XRCC2: variants seen among roughly 807,000 people sequenced by gnomAD.
XRCC2 encodes the protein DNA repair protein XRCC2.
XRCC2 carries 24 observed loss-of-function variants against 27.3 expected under a neutral mutation model. The observed-to-expected ratio is 0.88, with a 90% CI of 0.64 to 1.24. XRCC2 has a LOEUF of 1.24. Among genes scored for constraint, XRCC2 ranks in the 50% most tolerant of loss-of-function variants. The pLI, the probability that XRCC2 is intolerant of heterozygous loss-of-function variation, is 0.00. For missense variants in XRCC2, 321 were observed against 325.8 expected (o/e 0.99, Z 0.11); for synonymous variants, 106 against 115.4 (o/e 0.92, Z 0.52).
At chr7:152,667,144 C>G (rs527456266) in intron 1 of XRCC2, among the ~76,000 whole-genome samples, 29 of 151,862 alleles carry the variant, frequency 1.9e-4, no homozygotes, top group Non-Finnish European at 3.2e-4. Context: ...CGGTGGCTCA[C>G]GCCTGTAATC....
At chr7:152,675,379 T>G (rs1228818238) in intron 1 of XRCC2, among the ~76,000 whole-genome samples, 1 of 152,150 alleles carries the variant, frequency 6.6e-6, no homozygotes, top group Non-Finnish European at 1.5e-5. Context: ...CCTCCCTTAC[T>G]AGTTCTTTAA....
intron 1 of XRCC2, among the ~76,000 whole-genome samples, chr7:152,666,907 T>A (rs10241035): frequency 0.013 from 2,011 of 152,014 alleles, 43 homozygotes; most frequent in African/African-American, 0.046. Context: ...CATGAGCCAC[T>A]GCGCCCAGCA....
chr7:152,659,811 G>A (rs952962807), intron 2 of XRCC2, among the ~76,000 whole-genome samples: 11 of 152,156 alleles, frequency 7.2e-5, no homozygotes, highest in African/African-American at 1.7e-4. Context: ...CGATAGAACT[G>A]AAGACATCTA....
chr7:152,664,278 C>G (rs546737507), intron 1 of XRCC2, among the ~76,000 whole-genome samples: 1 of 152,132 alleles, frequency 6.6e-6, no homozygotes, highest in South Asian at 2.1e-4. Context: ...ACTTATTAAG[C>G]CTGAAGGTGG....
intron 2 of XRCC2, among the ~76,000 whole-genome samples, chr7:152,653,484 G>A (rs1284022175): frequency 1.3e-5 from 2 of 152,060 alleles, no homozygotes; most frequent in African/African-American, 2.4e-5. Flanking sequence ...TTTTGAGACA[G>A]GGTCTCATTC....
chr7:152,659,089 C>T (rs945187193), intron 2 of XRCC2, among the ~76,000 whole-genome samples: 4 of 151,840 alleles, frequency 2.6e-5, no homozygotes, highest in Non-Finnish European at 4.4e-5. Context: ...ATCTTACCAA[C>T]AGTGCAAAAG....
chr7:152,667,353 C>A (rs180840749), intron 1 of XRCC2, among the ~76,000 whole-genome samples: 1 of 129,776 alleles, frequency 7.7e-6, no homozygotes, highest in African/African-American at 3.1e-5. Flanking sequence ...TGCGGTGAGC[C>A]GAGATTACGC....
At position 152,664,726 on chromosome 7, in the gene XRCC2, A is replaced by T. The variant is rs958686007; in HGVS notation, c.40-3944T>A. ...GCCTCCATCATCACGCTATTAGAGT[A>T]GGTAGACAGACAGGTGTGAGTGGGG... On this transcript the variant is annotated intron_variant, in intron 1 of 2. Transcript: ENST00000359321. Among the ~76,000 whole-genome samples the T allele has an allele frequency of 3.3e-5, 5 of 152,132 alleles. No homozygotes were observed. The East Asian group carries it at 9.7e-4, about 29-fold the overall frequency.
chr7:152,664,349 A>T (rs1433702435), intron 1 of XRCC2, among the ~76,000 whole-genome samples: 1 of 152,166 alleles, frequency 6.6e-6, no homozygotes, highest in Non-Finnish European at 1.5e-5. Context: ...AATAGCTGGT[A>T]AAGCATTATT....
At chr7:152,660,975 G>A (rs2098032845) in intron 1 of XRCC2, among the ~76,000 whole-genome samples, 193 bp from the exon 2 acceptor site, 1 of 152,104 alleles carries the variant, frequency 6.6e-6, no homozygotes, top group South Asian at 2.1e-4. Context: ...AGACCAGCCT[G>A]GGCGACATGG....
intron 1 of XRCC2, among the ~76,000 whole-genome samples, chr7:152,665,225 TTC>T (rs2098035060): frequency 6.6e-6 from 1 of 152,200 alleles, no homozygotes; most frequent in Non-Finnish European, 1.5e-5. Context: ...TTGAATCTAC[TTC>T]TGTCTTGGCT....
chr7:152,645,860 TGA>T lies in XRCC2; in HGVS notation c.*2780_*2781del, dbSNP rs1243440355. ...GGAACCCAGGAGTTCGAGGCTGCAG[TGA>T]GTTATGATGCCACTGCACTCCAGCC... is the stretch of plus-strand genomic sequence containing the variant. On this transcript the variant is annotated 3_prime_UTR_variant, in exon 3 of 3. Coordinates refer to ENST00000359321, the MANE Select transcript of XRCC2 (RefSeq NM_005431.2). 1 of 152,118 alleles carries T rather than the reference TGA, an allele frequency of 6.6e-6. No individual in the cohort carries two copies. The highest frequency in any genetic ancestry group is 1.5e-5 in the Non-Finnish European group (1 of 68,026). The allele number at this position is 152,118 out of a possible 1,614,324, so 9.4% of individuals were successfully genotyped here.
intron 2 of XRCC2, among the ~76,000 whole-genome samples, chr7:152,652,717 GTT>G (rs2098029056): frequency 6.6e-6 from 1 of 152,134 alleles, no homozygotes; most frequent in Admixed American, 6.6e-5. Flanking sequence ...TGCTTCATCA[GTT>G]ACCTTCTTCT....
In XRCC2 at chr7:152,675,839, G is replaced by A. The variant is rs2106776; in HGVS notation, c.39+202C>T. Among the ~76,000 whole-genome samples, 70,149 of 151,836 alleles carry A rather than the reference G, an allele frequency of 0.46. 16,976 individuals carry two copies. The highest frequency in any genetic ancestry group is 0.59 in the African/African-American group (24,514 of 41,432). Reference sequence around the variant, plus strand: ...GTCCTCCCACCTCGGAGGACTCCAGGCTGCCCAGGGGCGGACCCCTGGGGC... The same window carrying A: ...GTCCTCCCACCTCGGAGGACTCCAGACTGCCCAGGGGCGGACCCCTGGGGC... On this transcript the variant is annotated intron_variant, in intron 1 of 2. Transcript: ENST00000359321.
At chr7:152,666,370 C>A (rs1235273063) in intron 1 of XRCC2, among the ~76,000 whole-genome samples, 1 of 152,016 alleles carries the variant, frequency 6.6e-6, no homozygotes, top group Non-Finnish European at 1.5e-5. Context: ...TGCCACCAAA[C>A]CCAGCTAATT....
chr7:152,660,398 G>A lies in XRCC2; in HGVS notation c.121+303C>T, dbSNP rs551420666. Among the ~76,000 whole-genome samples the A allele has an allele frequency of 2.7e-3, 415 of 152,254 alleles. 2 individuals carry two copies. The highest frequency in any genetic ancestry group is 9.4e-3 in the African/African-American group (391 of 41,542). ...TACCCAAGGACTTCCCTACAACTCC[G>A]CAAGCTTCTAAAGAAAAGGAATTTC... On this transcript the variant is annotated intron_variant, in intron 2 of 2. Transcript: ENST00000359321.
intron 2 of XRCC2, among the ~76,000 whole-genome samples, chr7:152,652,605 A>T (rs2098029016): frequency 6.6e-6 from 1 of 152,038 alleles, no homozygotes; most frequent in South Asian, 2.1e-4. Context: ...CACAGATCAC[A>T]CTATATAATC....
At position 152,663,484 on chromosome 7, in the gene XRCC2, C is replaced by T. The variant is rs74850953; in HGVS notation, c.40-2702G>A. On this transcript the variant is annotated intron_variant, in intron 1 of 2. Coordinates refer to ENST00000359321, the MANE Select transcript of XRCC2 (RefSeq NM_005431.2). The stretch of plus-strand genomic sequence containing the variant: ...AATTTAACCTTGCCCAAAGGGAGGT[C>T]TGGTTTTTGTCCTTGGCTCCTGAGA... Among the ~76,000 whole-genome samples, 22 of 151,488 alleles carry T rather than the reference C, an allele frequency of 1.5e-4. No homozygotes were observed. The East Asian group carries it at 4.3e-3, about 30-fold the overall frequency.
chr7:152,650,082 G>A (rs541520989), intron 2 of XRCC2, among the ~76,000 whole-genome samples: 2 of 152,356 alleles, frequency 1.3e-5, no homozygotes, highest in South Asian at 4.1e-4. Flanking sequence ...AAGCCACTAA[G>A]TTGGACTTCT....
Sources: allele counts gnomAD v4.1 joint callset (sites outside exome capture counted in the v4.1 genomes callset), GRCh38; gene constraint gnomAD v4.1.1; transcripts MANE v1.5; gene names NCBI Gene and HGNC (gene_info 2026-07-23, HGNC 2026-07-21).